ZNF614: variants seen among roughly 807,000 people sequenced by gnomAD.
ZNF614 encodes the protein zinc finger protein 614.
Under a neutral mutation model 12.8 loss-of-function variants are expected in ZNF614, and 11 were observed. The ratio of observed to expected loss-of-function variants is 0.86; its 90% CI spans 0.54 to 1.43. The LOEUF (loss-of-function observed/expected upper bound fraction) is 1.43. Among genes scored for constraint, ZNF614 ranks in the 40% most tolerant of loss-of-function variants. ZNF614 has a pLI of 0.00. For missense variants in ZNF614, 664 were observed against 708.8 expected, an observed-to-expected ratio of 0.94 and a Z score of 0.72; for synonymous variants, 237 against 237.5, an observed-to-expected ratio of 1.00 and a Z score of 0.02.
At chr19:52,018,690 C>T (rs1470585606) in intron 2 of ZNF614, among the ~76,000 whole-genome samples, 196 bp from the exon 3 acceptor site, 1 of 152,086 alleles carries the variant, frequency 6.6e-6, no homozygotes, top group Non-Finnish European at 1.5e-5. Context: ...CAAATGACAT[C>T]AGGACAAATA....
Position 52,013,476 on chromosome 19 carries a change from A to G in ZNF614, c.*2364T>C, listed in dbSNP as rs2086878477. The stretch of plus-strand genomic sequence containing the variant: ...CTGGTTAGATACATGGTGGTAAAAA[A>G]AAATAATAAAACAACTATTCATCAA... On this transcript the variant is annotated 3_prime_UTR_variant, in exon 5 of 5. Transcript: ENST00000270649. 1 of 155,652 alleles carries G rather than the reference A, an allele frequency of 6.4e-6. No homozygotes were observed. The highest frequency in any genetic ancestry group is 1.8e-4 in the South Asian group (1 of 5,540). 9.6% of individuals were successfully genotyped at this position (155,652 alleles called of 1,614,324 possible).
At chr19:52,027,971 T>C (rs1326817109) in intron 1 of ZNF614, among the ~76,000 whole-genome samples, 4 of 152,176 alleles carry the variant, frequency 2.6e-5, no homozygotes, top group Admixed American at 2.6e-4. Context: ...TCCCATGTGA[T>C]AGCCTGAGAT....
rs553996386 is a variant in ZNF614 at position 52,015,061 on chromosome 19, A to C, written c.*779T>G. 1 of 152,360 alleles carries C rather than the reference A, an allele frequency of 6.6e-6. No homozygotes were observed. The highest frequency in any genetic ancestry group is 1.9e-4 in the East Asian group (1 of 5,192). 9.4% of individuals were successfully genotyped at this position (152,360 alleles called of 1,614,324 possible). A position where few individuals can be genotyped will look rare whatever the true frequency, so the allele number is the denominator to read the frequency against. ...ACAGTATATTATGGAATCATTGGCAAGGCAACTAGAAATGAGGATTAAGGT... is the reference window on the plus strand; with the variant it reads ...ACAGTATATTATGGAATCATTGGCACGGCAACTAGAAATGAGGATTAAGGT... On this transcript the variant is annotated 3_prime_UTR_variant, in exon 5 of 5. Coordinates refer to ENST00000270649, the MANE Select transcript of ZNF614 (RefSeq NM_025040.4).
chr19:52,019,507 C>T (rs2123121992), intron 2 of ZNF614, among the ~76,000 whole-genome samples: 1 of 152,252 alleles, frequency 6.6e-6, no homozygotes, highest in South Asian at 2.1e-4. Flanking sequence ...ACTGGTGTGA[C>T]ACATCAGACT....
At chr19:52,027,042 G>A (rs554938624) in intron 1 of ZNF614, among the ~76,000 whole-genome samples, 8 of 152,296 alleles carry the variant, frequency 5.3e-5, no homozygotes, top group African/African-American at 1.4e-4. Context: ...TGGGTCCTCC[G>A]TATGCTGAGT....
intron 2 of ZNF614, among the ~76,000 whole-genome samples, chr19:52,020,692 C>T (rs972310358): frequency 9.9e-5 from 15 of 152,154 alleles, no homozygotes; most frequent in African/African-American, 1.4e-4. Context: ...TCACTTAGTG[C>T]GCTTTTTGGC....
rs112159140 is a variant in ZNF614 at position 52,017,295 on chromosome 19, C to A, written c.303G>T (p.Val101=). The A allele has an allele frequency of 6.2e-7, 1 of 1,613,476 alleles. No individual in the cohort carries two copies. Among genetic ancestry groups the A allele is most frequent in the Non-Finnish European group, 8.5e-7 (1 of 1,179,990 alleles). The change falls in exon 5 of 5, where the codon GTG becomes GTT. Residue 101 remains valine (V), a synonymous_variant. Transcript: ENST00000270649. Reference sequence around the variant, plus strand: ...GTGTATTCTGTCCATTGCATTGCTGCACGCTCTTCAGAAGTCTTTGGTTTG... The same window carrying A: ...GTGTATTCTGTCCATTGCATTGCTGAACGCTCTTCAGAAGTCTTTGGTTTG... ...HSPNQRLLKS[V]QQCNGQNTLR... is the part of the protein sequence containing the mutation.
At position 52,017,030 on chromosome 19, in the gene ZNF614, A is replaced by G. The variant is rs1299437738; in HGVS notation, c.568T>C (p.Phe190Leu). 1 of 1,613,944 alleles carries G rather than the reference A, an allele frequency of 6.2e-7. No individual in the cohort carries two copies. Among genetic ancestry groups the G allele is most frequent in the East Asian group, 2.2e-5 (1 of 44,878 alleles). ...GTCCTCTGATGCTTGAAGACTTGGA[A>G]TTTAGTATGGATACATTTTGCATTT... ...SENAKCIHTK[F>L]QVFKHQRTQK... Residue 190 changes from phenylalanine (F) to leucine (L), a missense_variant, in exon 5 of 5, where the codon TTC becomes CTC. By Grantham distance (22) the Phe-to-Leu change is conservative. Transcript: ENST00000270649.
intron 1 of ZNF614, among the ~76,000 whole-genome samples, chr19:52,028,025 A>G (rs926383869): frequency 6.6e-6 from 1 of 152,206 alleles, no homozygotes; most frequent in African/African-American, 2.4e-5. Context: ...CCCCAGCCCA[A>G]CACCCGTAAA....
intron 2 of ZNF614, among the ~76,000 whole-genome samples, chr19:52,024,339 T>C (rs1378769762): frequency 2.0e-5 from 3 of 152,158 alleles, no homozygotes; most frequent in South Asian, 2.1e-4. Context: ...AGGGGGGCAG[T>C]ATTGTGGGAC....
intron 1 of ZNF614, among the ~76,000 whole-genome samples, chr19:52,027,950 G>A (rs2086985866): frequency 6.6e-6 from 1 of 152,072 alleles, no homozygotes; most frequent in Non-Finnish European, 1.5e-5. Context: ...TATTCTTCAG[G>A]AAAGATAATA....
At position 52,016,597 on chromosome 19, in the gene ZNF614, T is replaced by G. The variant is rs747817569; in HGVS notation, c.1001A>C (p.Gln334Pro). 1.2e-6 allele frequency: 2 copies of G among 1,614,110 alleles called. No individual in the cohort carries two copies. The highest frequency in any genetic ancestry group is 1.1e-5 in the South Asian group (1 of 91,088). The part of the protein sequence containing the change: ...FTVKSNLIVH[Q>P]RTHTGEKPYI... Reference sequence around the variant, plus strand: ...GGGTTTCTCCCCTGTATGAGTTCGCTGATGTACAATGAGATTGCTCTTCAC... The same window carrying G: ...GGGTTTCTCCCCTGTATGAGTTCGCGGATGTACAATGAGATTGCTCTTCAC... Residue 334 changes from glutamine to proline, a missense_variant, in exon 5 of 5, where the codon CAG becomes CCG. Transcript: ENST00000270649.
At chr19:52,018,756 A>G (rs1342571816) in intron 2 of ZNF614, among the ~76,000 whole-genome samples, 2 of 152,250 alleles carry the variant, frequency 1.3e-5, no homozygotes, top group Non-Finnish European at 2.9e-5. Context: ...TGTCATGAAT[A>G]GACTTCACAT....
chr19:52,016,190 G>C lies in ZNF614; in HGVS notation c.1408C>G (p.Leu470Val). 1 of 1,614,036 alleles carries C rather than the reference G, an allele frequency of 6.2e-7. No homozygotes were observed. The highest frequency in any genetic ancestry group is 2.2e-5 in the East Asian group (1 of 44,884). ...GTATGACATCTCTCATGTTGTATGA[G>C]GCATATTTTCTGGCTGAAGGCTTTA... ...CGKAFSQKIC[L>V]IQHERCHTGK... Residue 470 changes from leucine to valine, a missense_variant, in exon 5 of 5, where the codon CTC (leucine) becomes GTC (valine). Leu to Val is a conservative substitution (Grantham distance 32). Coordinates refer to ENST00000270649, the MANE Select transcript of ZNF614 (RefSeq NM_025040.4).
At chr19:52,025,573 T>C (rs948162889) in intron 2 of ZNF614, among the ~76,000 whole-genome samples, 158 bp downstream of exon 2, 7 of 152,144 alleles carry the variant, frequency 4.6e-5, no homozygotes, top group African/African-American at 1.7e-4. Context: ...ATCCAGAATC[T>C]ACTTCTTAAG....
chr19:52,016,084 T>C lies in ZNF614; in HGVS notation c.1514A>G (p.His505Arg), dbSNP rs146501709. Reference sequence around the variant, plus strand: ...GCACTCATAAGGTTTCTCTCCTGTGTGAATTCTCTGATGGGTAATGAGGCC... The same window carrying C: ...GCACTCATAAGGTTTCTCTCCTGTGCGAATTCTCTGATGGGTAATGAGGCC... ...KYGLITHQRIHTGEKPYECNE... is the reference protein window; with the variant it reads ...KYGLITHQRIRTGEKPYECNE... Residue 505 changes from histidine (H) to arginine (R), a missense_variant, in exon 5 of 5, where the codon CAC (histidine) becomes CGC (arginine). Coordinates refer to ENST00000270649, the MANE Select transcript of ZNF614 (RefSeq NM_025040.4). 4.3e-6 allele frequency: 7 copies of C among 1,614,082 alleles called. No individual in the cohort carries two copies. The African/African-American group carries it at 9.3e-5, about 22-fold the overall frequency.
At chr19:52,026,914 T>A (rs1211165719) in intron 1 of ZNF614, among the ~76,000 whole-genome samples, 1 of 152,116 alleles carries the variant, frequency 6.6e-6, no homozygotes, top group Non-Finnish European at 1.5e-5. Context: ...TTTGTTCACA[T>A]GTTTTCCTGC....
Position 52,015,910 on chromosome 19 carries a change from C to T in ZNF614, c.1688G>A (p.Arg563Lys). 1 of 1,614,168 alleles carries T rather than the reference C, an allele frequency of 6.2e-7. No individual in the cohort carries two copies. Among genetic ancestry groups the T allele is most frequent in the Non-Finnish European group, 8.5e-7 (1 of 1,180,020 alleles). The change falls in exon 5 of 5, where the codon AGA (arginine) becomes AAA (lysine). Residue 563 changes from arginine (R) to lysine (K), a missense_variant. By Grantham distance (26) the Arg-to-Lys change is conservative. Coordinates refer to ENST00000270649, the MANE Select transcript of ZNF614 (RefSeq NM_025040.4). ...NLVKHKKMHT[R>K]EMGRISQVEN... ...AACTTGACTGATTCTACCCATTTCTCTTGTGTGCATTTTCTTATGTTTGAC... is the reference window on the plus strand; with the variant it reads ...AACTTGACTGATTCTACCCATTTCTTTTGTGTGCATTTTCTTATGTTTGAC...
chr19:52,014,217 CA>C lies in ZNF614; in HGVS notation c.*1622del, dbSNP rs1468177475. 1 of 152,098 alleles carries C rather than the reference CA, an allele frequency of 6.6e-6. No individual in the cohort carries two copies. The highest frequency in any genetic ancestry group is 1.5e-5 in the Non-Finnish European group (1 of 68,026). 9.4% of individuals were successfully genotyped at this position (152,098 alleles called of 1,614,324 possible). On this transcript the variant is annotated 3_prime_UTR_variant, in exon 5 of 5. Transcript: ENST00000270649. ...ACACAAATAAATTCTCTAATTCTCC[CA>C]CACCAATTGGGTGTTCTACAATTCA...
Sources: allele counts gnomAD v4.1 joint callset (sites outside exome capture counted in the v4.1 genomes callset), GRCh38; gene constraint gnomAD v4.1.1; transcripts MANE v1.5; gene names NCBI Gene and HGNC (gene_info 2026-07-23, HGNC 2026-07-21).